NBAS: variants seen among roughly 807,000 people sequenced by gnomAD.
NBAS encodes NBAS subunit of NRZ tethering complex.
A neutral mutation model predicts 302.5 loss-of-function variants in NBAS; 219 were observed. That is an observed-to-expected ratio of 0.72 (90% CI 0.65 to 0.81). NBAS has a LOEUF of 0.81. NBAS is among the 30% of genes least tolerant of loss of function. The probability of loss-of-function intolerance (pLI) is 0.00; values close to 1 mark genes in which losing one functional copy is unlikely to be tolerated. For synonymous variants in NBAS, 1,118 were observed against 1,021.6 expected (o/e 1.09, Z -1.80); for missense variants, 2,932 against 2,841.6 (o/e 1.03, Z -0.72).
chr2:15,099,797 T>A, the NBAS span, among the ~76,000 whole-genome samples: 5 of 152,050 alleles, frequency 3.3e-5, no homozygotes, highest in Non-Finnish European at 7.3e-5. Flanking sequence ...TAAGGGATTT[T>A]TAATAATCTC....
intron 48 of NBAS, among the ~76,000 whole-genome samples, chr2:15,208,968 T>C (rs1019766894): frequency 2.0e-5 from 3 of 151,800 alleles, no homozygotes; most frequent in African/African-American, 7.3e-5. Context: ...AATAAACGAA[T>C]TGGAAATGAA....
chr2:14,885,344 T>A, the NBAS span, among the ~76,000 whole-genome samples: 1 of 152,174 alleles, frequency 6.6e-6, no homozygotes, highest in African/African-American at 2.4e-5. Flanking sequence ...AATCAAGGAT[T>A]ACACCAACAC....
the NBAS span, among the ~76,000 whole-genome samples, chr2:14,873,256 G>C: frequency 6.6e-6 from 1 of 150,618 alleles, no homozygotes; most frequent in Non-Finnish European, 1.5e-5. Flanking sequence ...AGTGCTGACT[G>C]ATGCATTTAC....
At chr2:14,814,876 C>T in the NBAS span, among the ~76,000 whole-genome samples, 39 of 152,214 alleles carry the variant, frequency 2.6e-4, no homozygotes, top group Admixed American at 4.6e-4. Flanking sequence ...ACCTAGTAGG[C>T]GGTGATCAAA....
chr2:15,077,690 C>CTT, the NBAS span, among the ~76,000 whole-genome samples: 829 of 134,926 alleles, frequency 6.1e-3, 13 homozygotes, highest in African/African-American at 0.024. Context: ...CTTTTTTTTT[C>CTT]TTTTTTTTTT....
the NBAS span, among the ~76,000 whole-genome samples, chr2:14,786,065 A>G: frequency 7.4e-4 from 112 of 152,248 alleles, no homozygotes; most frequent in South Asian, 1.0e-3. Flanking sequence ...TGTATGTGTC[A>G]AGGAATTTAT....
the NBAS span, among the ~76,000 whole-genome samples, chr2:15,018,282 G>A: frequency 6.6e-6 from 1 of 152,054 alleles, no homozygotes; most frequent in African/African-American, 2.4e-5. Context: ...TAAATAACTA[G>A]AAGGAGGATA....
At chr2:14,781,535 A>G in the NBAS span, among the ~76,000 whole-genome samples, 1 of 152,094 alleles carries the variant, frequency 6.6e-6, no homozygotes, top group East Asian at 1.9e-4. Context: ...TGAAAATGGC[A>G]GAGGACATCA....
intron 12 of NBAS, among the ~76,000 whole-genome samples, chr2:15,482,204 C>A (rs1680456595): frequency 6.6e-6 from 1 of 152,170 alleles, no homozygotes; most frequent in African/African-American, 2.4e-5. Context: ...GGTCACGGCT[C>A]ACTACAACCT....
chr2:14,935,313 T>C, the NBAS span, among the ~76,000 whole-genome samples: 1 of 152,228 alleles, frequency 6.6e-6, no homozygotes, highest in African/African-American at 2.4e-5. Context: ...CATTTTTATG[T>C]CAGCATCATT....
the NBAS span, among the ~76,000 whole-genome samples, chr2:15,055,854 T>C: frequency 0.041 from 6,204 of 152,292 alleles, 172 homozygotes; most frequent in Non-Finnish European, 0.061. Context: ...TGAAAATGTA[T>C]GGTTTTCAAT....
At chr2:14,990,478 T>A in the NBAS span, among the ~76,000 whole-genome samples, 1 of 152,122 alleles carries the variant, frequency 6.6e-6, no homozygotes, top group Non-Finnish European at 1.5e-5. Flanking sequence ...TGAAAATTTC[T>A]GGCACAAAAT....
Position 15,429,724 on chromosome 2 carries a change from T to C in NBAS, c.2340-1930A>G, listed in dbSNP as rs561192104. On this transcript the variant is annotated intron_variant, in intron 21 of 51. Coordinates refer to ENST00000281513, the MANE Select transcript of NBAS (RefSeq NM_015909.4). ...AAAACACAGATTTCCAGTTAGCATG[T>C]AATATCCTAGCAAACTATGTACCAG... Among the ~76,000 whole-genome samples the C allele has an allele frequency of 3.9e-5, 6 of 152,320 alleles. No homozygotes were observed. In the East Asian group the frequency reaches 1.2e-3, roughly 29 times the overall value.
chr2:14,881,107 T>C, the NBAS span, among the ~76,000 whole-genome samples: 4 of 152,238 alleles, frequency 2.6e-5, no homozygotes, highest in Non-Finnish European at 4.4e-5. Context: ...CAACAGTGAA[T>C]TGGATAAAGG....
At chr2:15,497,587 T>C (rs62119717) in intron 11 of NBAS, among the ~76,000 whole-genome samples, 4,818 of 152,220 alleles carry the variant, frequency 0.032, 124 homozygotes, top group Non-Finnish European at 0.046. Flanking sequence ...GAGTTTTGTT[T>C]TGGAAATGTT....
At chr2:15,519,788 G>A (rs1006601757) in intron 9 of NBAS, among the ~76,000 whole-genome samples, 1 of 152,090 alleles carries the variant, frequency 6.6e-6, no homozygotes, top group African/African-American at 2.4e-5. Context: ...TTCTGATGCT[G>A]CTGGTCAGGG....
intron 21 of NBAS, among the ~76,000 whole-genome samples, chr2:15,439,520 T>C (rs1287566846): frequency 6.6e-6 from 1 of 151,898 alleles, no homozygotes; most frequent in Admixed American, 6.6e-5. Flanking sequence ...CCAAGATGGC[T>C]GAACAGCTCT....
At chr2:15,405,204 T>G (rs1488314102) in intron 25 of NBAS, among the ~76,000 whole-genome samples, 1 of 152,176 alleles carries the variant, frequency 6.6e-6, no homozygotes, top group Non-Finnish European at 1.5e-5. Context: ...TGGAGTATGC[T>G]CAACAGTTGC....
intron 48 of NBAS, among the ~76,000 whole-genome samples, chr2:15,203,530 C>G (rs1369649843): frequency 1.3e-5 from 2 of 152,084 alleles, no homozygotes; most frequent in East Asian, 3.9e-4. Context: ...TTTAGGGTAA[C>G]AGAAGAAACT....
Sources: allele counts gnomAD v4.1 joint callset (sites outside exome capture counted in the v4.1 genomes callset), GRCh38; gene constraint gnomAD v4.1.1; transcripts MANE v1.5; gene names NCBI Gene and HGNC (gene_info 2026-07-23, HGNC 2026-07-21).